The following TRPC6 variants were observed in gnomAD, a reference collection of about 807,000 sequenced individuals.
TRPC6 encodes the protein transient receptor potential cation channel subfamily C member 6, also known as short transient receptor potential channel 6.
A neutral mutation model predicts 90.7 loss-of-function variants in TRPC6; 55 were observed. The observed-to-expected ratio is 0.61, with a 90% CI of 0.49 to 0.76. The LOEUF (loss-of-function observed/expected upper bound fraction) is 0.76. Among genes scored for constraint, TRPC6 ranks in the 30% least tolerant of loss-of-function variants. TRPC6 has a pLI of 0.00. For synonymous variants in TRPC6, 393 were observed against 393.0 expected (o/e 1.00, Z 0.00); for missense variants, 989 against 1,122.7 (o/e 0.88, Z 1.70).
At chr11:101,575,645 T>C (rs1412972781) in intron 1 of TRPC6, among the ~76,000 whole-genome samples, 2 of 152,170 alleles carry the variant, frequency 1.3e-5, no homozygotes, top group Non-Finnish European at 2.9e-5. Context: ...GACATAATCA[T>C]ATAAAATCAA....
At chr11:101,555,859 G>A (rs140304989) in intron 1 of TRPC6, among the ~76,000 whole-genome samples, 31 of 152,186 alleles carry the variant, frequency 2.0e-4, no homozygotes, top group Middle Eastern at 3.4e-3. Context: ...GTTAGGGCAC[G>A]AAATACACCT....
chr11:101,546,053 T>TATCCTCAGAC (rs1565237486), intron 1 of TRPC6, among the ~76,000 whole-genome samples: 2 of 32,160 alleles, frequency 6.2e-5, no homozygotes, highest in Admixed American at 4.1e-4. Context: ...TATAACTCTT[T>TATCCTCAGAC]TTTTTTTTTT....
At chr11:101,543,656 G>A (rs1206311561) in intron 1 of TRPC6, among the ~76,000 whole-genome samples, 11 of 152,096 alleles carry the variant, frequency 7.2e-5, no homozygotes. Flanking sequence ...TTTAATAAAT[G>A]GTGTTGGGAA....
At chr11:101,461,897 G>A (rs745559085) in intron 10 of TRPC6, among the ~76,000 whole-genome samples, 3 of 152,108 alleles carry the variant, frequency 2.0e-5, no homozygotes, top group Non-Finnish European at 4.4e-5. Flanking sequence ...AGGAAGAAAC[G>A]GGCATGTGAG....
rs1591080424 is a variant in TRPC6, at chr11:101,488,920, A to G, written c.1293+17T>C. On this transcript the variant is annotated intron_variant, in intron 4 of 12. Coordinates refer to ENST00000344327, the MANE Select transcript of TRPC6 (RefSeq NM_004621.6). The stretch of plus-strand genomic sequence containing the variant: ...TATTTCTAGTAGATAATAGAGGTCC[A>G]GGCTTCACATACATACCTTGCTGCA... 1.2e-6 allele frequency: 2 copies of G among 1,611,090 alleles called. No homozygotes were observed. Among genetic ancestry groups the G allele is most frequent in the Non-Finnish European group, 1.7e-6 (2 of 1,179,914 alleles).
At chr11:101,494,528 C>T (rs543989152) in intron 2 of TRPC6, among the ~76,000 whole-genome samples, 15 of 152,198 alleles carry the variant, frequency 9.9e-5, no homozygotes, top group East Asian at 1.9e-4. Flanking sequence ...CAAAATTTAA[C>T]GCACCTGGCT....
At chr11:101,568,592 A>T (rs1211497120) in intron 1 of TRPC6, among the ~76,000 whole-genome samples, 1 of 152,184 alleles carries the variant, frequency 6.6e-6, no homozygotes, top group Non-Finnish European at 1.5e-5. Flanking sequence ...TGAAGGAAAA[A>T]ATGTTAAGGG....
At chr11:101,454,331 G>C (rs1858835704) in intron 11 of TRPC6, among the ~76,000 whole-genome samples, 1 of 151,982 alleles carries the variant, frequency 6.6e-6, no homozygotes, top group Admixed American at 6.6e-5. Context: ...CTAAGCCAAG[G>C]TTAAATGGTA....
intron 1 of TRPC6, among the ~76,000 whole-genome samples, chr11:101,509,009 T>C (rs145219844): frequency 0.011 from 1,655 of 152,184 alleles, 41 homozygotes; most frequent in African/African-American, 0.038. Context: ...TAAGCACATA[T>C]ATAGCACTTA....
intron 10 of TRPC6, among the ~76,000 whole-genome samples, chr11:101,459,863 G>A (rs1858965341): frequency 6.6e-6 from 1 of 152,092 alleles, no homozygotes; most frequent in African/African-American, 2.4e-5. Flanking sequence ...TTTATAATAT[G>A]AGTATATTAC....
intron 1 of TRPC6, among the ~76,000 whole-genome samples, chr11:101,565,848 T>C (rs964427841): frequency 3.9e-5 from 6 of 152,198 alleles, no homozygotes; most frequent in Admixed American, 6.5e-5. Context: ...AGGGAAACTA[T>C]ATTTTTAAAA....
intron 10 of TRPC6, among the ~76,000 whole-genome samples, chr11:101,460,941 T>C (rs988723183): frequency 1.2e-4 from 18 of 152,328 alleles, no homozygotes; most frequent in African/African-American, 3.6e-4. Context: ...ATGGGCCATA[T>C]TGTCAATTAT....
intron 1 of TRPC6, among the ~76,000 whole-genome samples, chr11:101,520,927 C>T (rs949556489): frequency 6.6e-6 from 1 of 152,128 alleles, no homozygotes; most frequent in African/African-American, 2.4e-5. Context: ...ACAGCATTTG[C>T]TCATATGCAT....
At chr11:101,514,251 C>G (rs1860465288) in intron 1 of TRPC6, among the ~76,000 whole-genome samples, 1 of 149,364 alleles carries the variant, frequency 6.7e-6, no homozygotes. Flanking sequence ...ATTGGGGGTA[C>G]AGCCACAGAA....
intron 4 of TRPC6, among the ~76,000 whole-genome samples, 186 bp downstream of exon 4, chr11:101,488,750 CT>C (rs1258184101): frequency 1.3e-5 from 2 of 152,004 alleles, no homozygotes; most frequent in Non-Finnish European, 2.9e-5. Flanking sequence ...ACATGTATTA[CT>C]TTTTGATAAT....
intron 5 of TRPC6, among the ~76,000 whole-genome samples, chr11:101,482,451 A>G (rs1181145726): frequency 6.6e-6 from 1 of 152,246 alleles, no homozygotes; most frequent in Non-Finnish European, 1.5e-5. Context: ...TAAATCCTAT[A>G]AAATAGATGT....
intron 5 of TRPC6, among the ~76,000 whole-genome samples, chr11:101,480,657 T>C (rs1333278540): frequency 6.8e-6 from 1 of 147,216 alleles, no homozygotes; most frequent in Non-Finnish European, 1.5e-5. Context: ...AAATAGCACT[T>C]CTTGTAAAAG....
At chr11:101,463,360 T>A (rs1271822948) in intron 10 of TRPC6, among the ~76,000 whole-genome samples, 7 of 152,186 alleles carry the variant, frequency 4.6e-5, no homozygotes, top group South Asian at 2.1e-4. Flanking sequence ...TTTTCTATTG[T>A]TTGGAATAGT....
chr11:101,541,118 G>T (rs1366955615), intron 1 of TRPC6, among the ~76,000 whole-genome samples: 1 of 152,166 alleles, frequency 6.6e-6, no homozygotes, highest in Non-Finnish European at 1.5e-5. Context: ...CATAAGTAAA[G>T]AAATTTGGTT....
Sources: allele counts gnomAD v4.1 joint callset (sites outside exome capture counted in the v4.1 genomes callset), GRCh38; gene constraint gnomAD v4.1.1; transcripts MANE v1.5; gene names NCBI Gene and HGNC (gene_info 2026-07-23, HGNC 2026-07-21).